PHF24: variants seen among roughly 807,000 people sequenced by gnomAD.
The protein encoded by PHF24 is PHD finger protein 24.
In PHF24, 25 loss-of-function variants were observed where a neutral mutation model predicts 42.6. That is an observed-to-expected ratio of 0.59 (90% confidence interval 0.43 to 0.82). PHF24 has a LOEUF of 0.82. PHF24 is among the 40% of genes least tolerant of loss of function. The probability of loss-of-function intolerance (pLI) is 0.00; values close to 1 mark genes in which losing one functional copy is unlikely to be tolerated. For synonymous variants in PHF24, 185 were observed against 204.8 expected, an observed-to-expected ratio of 0.90 and a Z score of 0.83; for missense variants, 470 against 538.1, an observed-to-expected ratio of 0.87 and a Z score of 1.25.
chr9:34,875,950 A>ACTCTCTCTCT, the PHF24 span, among the ~76,000 whole-genome samples: 41 of 78,748 alleles, frequency 5.2e-4, no homozygotes, highest in African/African-American at 1.9e-3. Flanking sequence ...ACACACACAC[A>ACTCTCTCTCT]CTCTCTCTCT....
chr9:34,767,711 C>G, the PHF24 span, among the ~76,000 whole-genome samples: 12 of 152,370 alleles, frequency 7.9e-5, no homozygotes, highest in African/African-American at 2.9e-4. Context: ...GCTGCACCCA[C>G]TGTCCTGCGC....
At chr9:34,947,952 C>CA in the PHF24 span, among the ~76,000 whole-genome samples, 5 of 151,582 alleles carry the variant, frequency 3.3e-5, no homozygotes, top group South Asian at 1.0e-3. Flanking sequence ...ACTAAAAATA[C>CA]AAAAAAATTA....
At chr9:34,948,002 G>C in the PHF24 span, among the ~76,000 whole-genome samples, 1 of 151,756 alleles carries the variant, frequency 6.6e-6, no homozygotes, top group Admixed American at 6.6e-5. Context: ...CCAGCTACTC[G>C]GGAGGCTGAG....
chr9:34,855,695 C>T, the PHF24 span, among the ~76,000 whole-genome samples: 1 of 152,158 alleles, frequency 6.6e-6, no homozygotes, highest in African/African-American at 2.4e-5. Context: ...TTCCTTCTGG[C>T]TGCTCTTAGC....
the PHF24 span, among the ~76,000 whole-genome samples, chr9:34,932,573 A>G: frequency 6.6e-6 from 1 of 152,208 alleles, no homozygotes; most frequent in Admixed American, 6.5e-5. Context: ...TGAATAAACT[A>G]TATTTTAAAA....
At chr9:34,896,005 T>C in the PHF24 span, among the ~76,000 whole-genome samples, 32 of 152,190 alleles carry the variant, frequency 2.1e-4, no homozygotes, top group African/African-American at 7.7e-4. Context: ...ATGGGCAACA[T>C]GTACCTTTTC....
At chr9:34,745,807 ATTAAG>A in the PHF24 span, among the ~76,000 whole-genome samples, 1 of 152,062 alleles carries the variant, frequency 6.6e-6, no homozygotes, top group South Asian at 2.1e-4. Flanking sequence ...CCAATGATAG[ATTAAG>A]TTGATTCAGA....
chr9:34,976,959 C>A, intron 5 of PHF24, 124 bp from the exon 6 acceptor site: 3 of 1,171,290 alleles, frequency 2.6e-6, no homozygotes, highest in Non-Finnish European at 3.6e-6. Context: ...GTGCTGATGC[C>A]TCCAGAAGGG....
the PHF24 span, chr9:34,729,304 G>A: frequency 6.4e-7 from 1 of 1,552,132 alleles, no homozygotes; most frequent in Non-Finnish European, 8.7e-7. Flanking sequence ...CTCCTTTTAG[G>A]TTCTGAACTC....
chr9:34,939,682 C>G, the PHF24 span, among the ~76,000 whole-genome samples: 1 of 152,162 alleles, frequency 6.6e-6, no homozygotes, highest in Non-Finnish European at 1.5e-5. Context: ...AACACAGCAC[C>G]AGCCAATTGT....
rs777552288 is a variant in PHF24, at chr9:34,972,338, T to C, written c.379-8T>C. 6.3e-7 allele frequency: 1 copy of C among 1,596,348 alleles called. No individual in the cohort carries two copies. The highest frequency in any genetic ancestry group is 8.6e-7 in the Non-Finnish European group (1 of 1,168,426). On this transcript the variant is annotated splice_polypyrimidine_tract_variant and splice_region_variant and intron_variant, in intron 2 of 7. Transcript: ENST00000242315. ...ACATCCCTGTTTCCTCCTGCCATCT[T>C]TCTGCAGGTTGTCAACGATGAGATG...
chr9:34,768,765 A>G, the PHF24 span, among the ~76,000 whole-genome samples: 1 of 152,176 alleles, frequency 6.6e-6, no homozygotes, highest in East Asian at 1.9e-4. Context: ...ACAACTGGAA[A>G]ACAGGAAGAA....
the PHF24 span, among the ~76,000 whole-genome samples, chr9:34,720,577 G>A: frequency 6.6e-6 from 1 of 152,144 alleles, no homozygotes; most frequent in African/African-American, 2.4e-5. Context: ...ACCTCCTGAG[G>A]GATAATAGCT....
the PHF24 span, among the ~76,000 whole-genome samples, chr9:34,875,712 G>A: frequency 1.3e-5 from 2 of 152,184 alleles, no homozygotes; most frequent in East Asian, 3.9e-4. Context: ...ATGCAGTGAA[G>A]GATTGTGTTC....
chr9:34,775,423 G>T, the PHF24 span, among the ~76,000 whole-genome samples: 50 of 152,206 alleles, frequency 3.3e-4, no homozygotes, highest in African/African-American at 1.1e-3. Context: ...TGTGTACAGC[G>T]TTCCAGTTGG....
chr9:34,667,834 C>T, the PHF24 span, among the ~76,000 whole-genome samples: 7 of 152,158 alleles, frequency 4.6e-5, no homozygotes, highest in Non-Finnish European at 8.8e-5. Context: ...CTGAAAGGCC[C>T]TGGTGTGAGG....
chr9:34,936,304 C>T, the PHF24 span, among the ~76,000 whole-genome samples: 1 of 152,326 alleles, frequency 6.6e-6, no homozygotes, highest in East Asian at 1.9e-4. Flanking sequence ...CTCCTAACCG[C>T]GAGTGATCCG....
At chr9:34,957,277 A>G (rs1421378940), upstream of PHF24, among the ~76,000 whole-genome samples, 1 of 152,242 alleles carries the variant, frequency 6.6e-6, no homozygotes, top group African/African-American at 2.4e-5. Flanking sequence ...AATGACATGC[A>G]TTATATTTGA....
chr9:34,706,511 T>A, the PHF24 span, among the ~76,000 whole-genome samples: 5 of 152,182 alleles, frequency 3.3e-5, no homozygotes, highest in African/African-American at 1.2e-4. Flanking sequence ...TATGTGATAT[T>A]TTTTGAATTA....
Sources: allele counts gnomAD v4.1 joint callset (sites outside exome capture counted in the v4.1 genomes callset), GRCh38; gene constraint gnomAD v4.1.1; transcripts MANE v1.5; gene names NCBI Gene and HGNC (gene_info 2026-07-23, HGNC 2026-07-21).